The following LIX1 variants were observed in gnomAD, a reference collection of about 807,000 sequenced individuals.
LIX1 encodes the protein protein limb expression 1 homolog.
In LIX1, 24 loss-of-function variants were observed where a neutral mutation model predicts 33.4. The observed-to-expected ratio is 0.72, with a 90% confidence interval of 0.52 to 1.01. LIX1 has a LOEUF of 1.01. Among genes scored for constraint, LIX1 ranks in the 50% least tolerant of loss-of-function variants. The pLI is 0.00. For missense variants in LIX1, 311 were observed against 339.2 expected (o/e 0.92, Z 0.65); for synonymous variants, 124 against 124.0 (o/e 1.00, Z 0.00).
chr5:97,136,294 T>C (rs1748171560), intron 1 of LIX1, among the ~76,000 whole-genome samples: 1 of 152,240 alleles, frequency 6.6e-6, no homozygotes, highest in East Asian at 1.9e-4. Context: ...ATCATCTGGC[T>C]ATCAACTTAA....
At chr5:97,103,754 A>G (rs908314632) in intron 4 of LIX1, among the ~76,000 whole-genome samples, 1 of 152,204 alleles carries the variant, frequency 6.6e-6, no homozygotes, top group Non-Finnish European at 1.5e-5. Flanking sequence ...TCACGAGGTC[A>G]GGAGATGGAG....
intron 3 of LIX1, among the ~76,000 whole-genome samples, chr5:97,107,063 C>G (rs1747086076): frequency 6.6e-6 from 1 of 152,142 alleles, no homozygotes; most frequent in African/African-American, 2.4e-5. Context: ...CTAAAAGAAT[C>G]AACACTCCTC....
intron 2 of LIX1, among the ~76,000 whole-genome samples, chr5:97,122,521 C>G (rs1747810124): frequency 6.6e-6 from 1 of 152,168 alleles, no homozygotes; most frequent in Admixed American, 6.5e-5. Context: ...GAAGAATGTG[C>G]TAAGTCCACT....
intron 3 of LIX1, among the ~76,000 whole-genome samples, chr5:97,106,409 GA>G: frequency 6.6e-6 from 1 of 152,302 alleles, no homozygotes; most frequent in South Asian, 2.1e-4. Context: ...TTTATGAGGG[GA>G]AAAGGGTCAC....
At chr5:97,141,997 A>G (rs561612385) in intron 1 of LIX1, among the ~76,000 whole-genome samples, 180 of 152,368 alleles carry the variant, frequency 1.2e-3, no homozygotes, top group African/African-American at 4.1e-3. Context: ...CTAAAGCATT[A>G]TAATCTGTTA....
At position 97,093,453 on chromosome 5, in the gene LIX1, G is replaced by A. The variant is rs960047078; in HGVS notation, c.*1295C>T. The A allele has an allele frequency of 2.0e-5, 3 of 152,074 alleles. No individual in the cohort carries two copies. The South Asian group carries it at 6.2e-4, about 32-fold the overall frequency. The allele number at this position is 152,074 out of a possible 1,614,324, so 9.4% of individuals were successfully genotyped here. ...ATGAGCATTTAAAATTGACATTGCT[G>A]ACATTCTTAAATTTGAGTGACCAGG... On this transcript the variant is annotated 3_prime_UTR_variant, in exon 6 of 6. Transcript: ENST00000274382.
chr5:97,120,898 C>A (rs1747765303), intron 2 of LIX1, among the ~76,000 whole-genome samples: 1 of 152,086 alleles, frequency 6.6e-6, no homozygotes, highest in Admixed American at 6.5e-5. Flanking sequence ...AGAAAGTAGT[C>A]CATATCATCT....
intron 1 of LIX1, among the ~76,000 whole-genome samples, chr5:97,130,912 C>T (rs13167790): frequency 0.46 from 69,440 of 151,928 alleles, 16,615 homozygotes; most frequent in African/African-American, 0.6. Flanking sequence ...ATATTTTGTG[C>T]TTCAATAGCA....
At position 97,094,924 on chromosome 5, in the gene LIX1, G is replaced by A; in HGVS notation, c.673C>T (p.Leu225=). The part of the protein sequence containing the change: ...RDSPGIVSQE[L]RMALRQLEEA... ...TCCAACTGCCTCAGGGCCATTCGTA[G>A]CTCTTGAGAGACAATTCCTGGTGAG... The change falls in exon 6 of 6, where the codon CTA becomes TTA. Residue 225 remains leucine (L), a synonymous_variant. Transcript: ENST00000274382. 1.9e-6 allele frequency: 3 copies of A among 1,614,154 alleles called. No individual in the cohort carries two copies. Among genetic ancestry groups the A allele is most frequent in the Non-Finnish European group, 2.5e-6 (3 of 1,180,022 alleles).
chr5:97,110,752 G>A (rs1476804012), intron 2 of LIX1, among the ~76,000 whole-genome samples: 1 of 152,100 alleles, frequency 6.6e-6, no homozygotes, highest in African/African-American at 2.4e-5. Flanking sequence ...CCCAAAGAGT[G>A]ATTTTCTATA....
At chr5:97,113,048 T>C (rs1460610650) in intron 2 of LIX1, among the ~76,000 whole-genome samples, 1 of 152,176 alleles carries the variant, frequency 6.6e-6, no homozygotes, top group Non-Finnish European at 1.5e-5. Context: ...TCACTTGCCA[T>C]CTCTTTATAA....
At chr5:97,128,355 G>C (rs1339154444) in intron 1 of LIX1, among the ~76,000 whole-genome samples, 1 of 152,032 alleles carries the variant, frequency 6.6e-6, no homozygotes, top group African/African-American at 2.4e-5. Flanking sequence ...TCCTCAGTCT[G>C]CATCTCTTCC....
chr5:97,140,010 A>G (rs2112802600), intron 1 of LIX1, among the ~76,000 whole-genome samples: 1 of 152,352 alleles, frequency 6.6e-6, no homozygotes, highest in East Asian at 1.9e-4. Context: ...TTCAGACCAG[A>G]AAACTCTCTG....
At chr5:97,118,691 G>GAA (rs35114204) in intron 2 of LIX1, among the ~76,000 whole-genome samples, 3 of 151,224 alleles carry the variant, frequency 2.0e-5, no homozygotes, top group African/African-American at 7.3e-5. Flanking sequence ...ACAACTTTCT[G>GAA]AAAAAAAAAT....
chr5:97,132,284 C>T (rs1180649788), intron 1 of LIX1, among the ~76,000 whole-genome samples: 1 of 151,960 alleles, frequency 6.6e-6, no homozygotes, highest in African/African-American at 2.4e-5. Context: ...AATTAGTGAA[C>T]AAAATATTAG....
chr5:97,139,202 T>G (rs1748233183), intron 1 of LIX1, among the ~76,000 whole-genome samples: 2 of 152,210 alleles, frequency 1.3e-5, no homozygotes, highest in African/African-American at 4.8e-5. Context: ...TCCTCACCTC[T>G]AACAACAATT....
At chr5:97,141,925 AG>A (rs527779491) in intron 1 of LIX1, among the ~76,000 whole-genome samples, 106 of 152,334 alleles carry the variant, frequency 7.0e-4, no homozygotes, top group South Asian at 5.2e-3. Context: ...TGATGGTGGT[AG>A]GGGGTCCACA....
chr5:97,103,807 T>C (rs1746855516), intron 4 of LIX1, among the ~76,000 whole-genome samples: 2 of 151,582 alleles, frequency 1.3e-5, no homozygotes, highest in Admixed American at 6.6e-5. Context: ...CTACTAAAAA[T>C]ACAAAAAATT....
intron 2 of LIX1, among the ~76,000 whole-genome samples, chr5:97,114,038 G>A (rs1057405972): frequency 2.0e-5 from 3 of 152,204 alleles, no homozygotes; most frequent in African/African-American, 4.8e-5. Context: ...AAGGCCAACT[G>A]CGACTAGGCC....
Sources: allele counts gnomAD v4.1 joint callset (sites outside exome capture counted in the v4.1 genomes callset), GRCh38; gene constraint gnomAD v4.1.1; transcripts MANE v1.5; gene names NCBI Gene and HGNC (gene_info 2026-07-23, HGNC 2026-07-21).